The following CHMP3 variants were observed in gnomAD, a reference collection of about 807,000 sequenced individuals.
CHMP3 encodes the protein charged multivesicular body protein 3.
CHMP3 carries 8 observed loss-of-function variants against 27.4 expected under a neutral mutation model. The observed-to-expected ratio is 0.29, with a 90% CI of 0.17 to 0.53. CHMP3 has a LOEUF of 0.53. Among genes scored for constraint, CHMP3 ranks in the 20% least tolerant of loss-of-function variants. The pLI, the probability that CHMP3 is intolerant of heterozygous loss-of-function variation, is 0.96. For missense variants in CHMP3, 208 were observed against 271.5 expected, an observed-to-expected ratio of 0.77 and a Z score of 1.64; for synonymous variants, 86 against 85.5, an observed-to-expected ratio of 1.01 and a Z score of -0.03.
At chr2:86,559,538 A>G (rs1677264851) in intron 1 of CHMP3, among the ~76,000 whole-genome samples, 2 of 152,236 alleles carry the variant, frequency 1.3e-5, no homozygotes, top group Admixed American at 6.5e-5. Flanking sequence ...TGAATTACAG[A>G]CTAATGCTAA....
chr2:86,531,564 C>T (rs1675921579), intron 2 of CHMP3, among the ~76,000 whole-genome samples: 1 of 152,158 alleles, frequency 6.6e-6, no homozygotes, highest in South Asian at 2.1e-4. Flanking sequence ...TGAAGTTTTA[C>T]TCTGTGTTTT....
chr2:86,505,723 C>A lies in CHMP3; in HGVS notation c.*81G>T. 7.3e-7 allele frequency: 1 copy of A among 1,376,584 alleles called. No individual in the cohort carries two copies. Among genetic ancestry groups the A allele is most frequent in the Non-Finnish European group, 9.5e-7 (1 of 1,057,560 alleles). 85.3% of individuals were successfully genotyped at this position (1,376,584 alleles called of 1,614,324 possible). ...ACCTTCTCCAAAATGGTAGTCCTCA[C>A]AACAGAGGTGTAGTGCAAGAGACAC... On this transcript the variant is annotated 3_prime_UTR_variant, in exon 6 of 6. Transcript: ENST00000263856.
intron 2 of CHMP3, chr2:86,541,210 C>T (rs982363464): frequency 5.3e-5 from 8 of 152,104 alleles, no homozygotes; most frequent in Non-Finnish European, 1.2e-4. Context: ...GATCAGAGCT[C>T]AACCACTTCT....
intron 1 of CHMP3, among the ~76,000 whole-genome samples, chr2:86,549,793 G>A (rs1167478172): frequency 6.7e-5 from 10 of 148,978 alleles, no homozygotes; most frequent in East Asian, 4.1e-4. Context: ...CGGGGCGGCC[G>A]GGCAGAGGTG....
At chr2:86,520,417 A>C (rs1256345784) in intron 3 of CHMP3, among the ~76,000 whole-genome samples, 1 of 152,086 alleles carries the variant, frequency 6.6e-6, no homozygotes, top group Non-Finnish European at 1.5e-5. Context: ...ATACACTTTC[A>C]AACAACCAGA....
intron 4 of CHMP3, among the ~76,000 whole-genome samples, chr2:86,509,440 C>T (rs1183641670): frequency 6.6e-6 from 1 of 152,156 alleles, no homozygotes; most frequent in African/African-American, 2.4e-5. Flanking sequence ...ATTTTCTTTT[C>T]CAGCCCCTCT....
chr2:86,550,293 G>A (rs146864932), intron 1 of CHMP3, among the ~76,000 whole-genome samples: 3,109 of 152,194 alleles, frequency 0.02, 37 homozygotes, highest in Non-Finnish European at 0.03. Flanking sequence ...GGAGAACCAC[G>A]GGAGCCCGGG....
chr2:86,539,278 G>T (rs1318831525), intron 2 of CHMP3, among the ~76,000 whole-genome samples: 3 of 152,060 alleles, frequency 2.0e-5, no homozygotes, highest in African/African-American at 4.8e-5. Context: ...CCATCAAGTA[G>T]TGAAGTCTCT....
chr2:86,539,726 T>C (rs954649808), intron 2 of CHMP3, among the ~76,000 whole-genome samples: 3 of 152,134 alleles, frequency 2.0e-5, no homozygotes, highest in Non-Finnish European at 4.4e-5. Context: ...TTATTATTTT[T>C]ACTTTTAAGA....
intron 1 of CHMP3, chr2:86,561,711 T>C (rs1260059419): frequency 6.6e-6 from 1 of 152,216 alleles, no homozygotes; most frequent in Non-Finnish European, 1.5e-5. Flanking sequence ...GTCAATCAGC[T>C]TTCTCAGGTA....
intron 3 of CHMP3, among the ~76,000 whole-genome samples, chr2:86,525,221 A>G (rs1449468375): frequency 1.3e-5 from 2 of 152,204 alleles, no homozygotes; most frequent in African/African-American, 4.8e-5. Flanking sequence ...TTGGGTAAAA[A>G]TTCCCAATGC....
chr2:86,544,185 G>T (rs184992993), intron 1 of CHMP3, among the ~76,000 whole-genome samples: 5 of 152,162 alleles, frequency 3.3e-5, no homozygotes, highest in Admixed American at 3.3e-4. Context: ...AACACAACTC[G>T]TTTATCCATT....
rs564052767 is a variant in CHMP3, at chr2:86,507,963, G to A, written c.409-370C>T. ...TGTCCTAACACTGCAAATATAATCCGTGAACGCAGGGGTTGGAATATGGTA... is the reference window on the plus strand; with the variant it reads ...TGTCCTAACACTGCAAATATAATCCATGAACGCAGGGGTTGGAATATGGTA... On this transcript the variant is annotated intron_variant, in intron 4 of 5. Coordinates refer to ENST00000263856, the MANE Select transcript of CHMP3 (RefSeq NM_016079.4). Among the ~76,000 whole-genome samples the A allele has an allele frequency of 3.9e-5, 6 of 152,284 alleles. No homozygotes were observed. The East Asian group carries it at 5.8e-4, about 15-fold the overall frequency.
rs553936510 is a variant in CHMP3 at position 86,521,116 on chromosome 2, C to T, written c.286+8102G>A. Among the ~76,000 whole-genome samples the T allele has an allele frequency of 6.4e-4, 98 of 152,258 alleles. 2 individuals are homozygous for T. Among genetic ancestry groups the T allele is most frequent in the Middle Eastern group, 3.4e-3 (1 of 294 alleles). The stretch of plus-strand genomic sequence containing the variant: ...GTACTTTGTGAGATCCACCCCTGTC[C>T]GCAAAACATTGCTCTTAACTTCACC... On this transcript the variant is annotated intron_variant, in intron 3 of 5. Transcript: ENST00000263856.
At chr2:86,518,412 A>G (rs1675396523) in intron 3 of CHMP3, among the ~76,000 whole-genome samples, 1 of 152,188 alleles carries the variant, frequency 6.6e-6, no homozygotes, top group African/African-American at 2.4e-5. Context: ...AACCATGTAC[A>G]TTTCAGAAAC....
intron 1 of CHMP3, among the ~76,000 whole-genome samples, chr2:86,543,325 T>C (rs1676434850): frequency 6.6e-6 from 1 of 152,240 alleles, no homozygotes; most frequent in South Asian, 2.1e-4. Context: ...ATTGTAATAA[T>C]TTGTGAAAGT....
At chr2:86,556,154 T>C (rs1156778279) in intron 1 of CHMP3, among the ~76,000 whole-genome samples, 1 of 152,210 alleles carries the variant, frequency 6.6e-6, no homozygotes, top group African/African-American at 2.4e-5. Flanking sequence ...GACTAGATAA[T>C]ACATTTTAAT....
intron 3 of CHMP3, among the ~76,000 whole-genome samples, chr2:86,522,125 A>G (rs1377591696): frequency 6.6e-6 from 1 of 152,198 alleles, no homozygotes. Context: ...TTAATAGGTG[A>G]CAAGGCTGAA....
intron 2 of CHMP3, chr2:86,541,383 T>C (rs559113316): frequency 1.3e-5 from 2 of 152,234 alleles, no homozygotes; most frequent in African/African-American, 4.8e-5. Flanking sequence ...ACATTTGAAG[T>C]TCTTTCTCTG....
Sources: gnomAD v4.1 joint callset for allele counts (sites outside exome capture counted in the v4.1 genomes callset) on GRCh38, gnomAD v4.1.1 for gene constraint, MANE v1.5 for transcripts, NCBI Gene and HGNC (gene_info 2026-07-23, HGNC 2026-07-21) for gene names.